The following CCDC3 variants were observed in gnomAD, a reference collection of about 807,000 sequenced individuals.
CCDC3 encodes coiled-coil domain containing 3.
A neutral mutation model predicts 21.4 loss-of-function variants in CCDC3; 24 were observed. The observed-to-expected ratio is 1.12, with a 90% confidence interval of 0.81 to 1.58. The LOEUF (loss-of-function observed/expected upper bound fraction) is 1.58, where lower values mean the gene tolerates loss of function less well. CCDC3 is among the 40% of genes most tolerant of loss of function. CCDC3 has a pLI of 0.00. For missense variants in CCDC3, 425 were observed against 360.9 expected, an observed-to-expected ratio of 1.18 and a Z score of -1.44; for synonymous variants, 186 against 166.0, an observed-to-expected ratio of 1.12 and a Z score of -0.93.
At chr10:12,906,645 C>T (rs749565363) in intron 2 of CCDC3, among the ~76,000 whole-genome samples, 5 of 152,180 alleles carry the variant, frequency 3.3e-5, no homozygotes, top group Admixed American at 6.5e-5. Context: ...CTCAGCCCCA[C>T]CATCGGACAG....
chr10:13,039,068 A>G (rs1836415936), intron 5 of CCDC3, among the ~76,000 whole-genome samples: 1 of 152,194 alleles, frequency 6.6e-6, no homozygotes, highest in South Asian at 2.1e-4. Context: ...CACATGCTTC[A>G]GTTCAAATAA....
intron 2 of CCDC3, among the ~76,000 whole-genome samples, chr10:12,968,863 A>T (rs1422234718): frequency 6.6e-6 from 1 of 152,196 alleles, no homozygotes; most frequent in African/African-American, 2.4e-5. Flanking sequence ...TAGATACACC[A>T]AAGATAGAAA....
chr10:13,097,597 G>C (rs1321234261), intron 3 of CCDC3, among the ~76,000 whole-genome samples: 1 of 152,138 alleles, frequency 6.6e-6, no homozygotes, highest in African/African-American at 2.4e-5. Context: ...GGTGGCACAC[G>C]CCTGTAATCC....
chr10:13,084,282 C>A (rs1390247024), intron 3 of CCDC3, among the ~76,000 whole-genome samples: 6 of 91,432 alleles, frequency 6.6e-5, no homozygotes. Context: ...ACCTTCTTTT[C>A]TTTTCTTTTT....
Position 12,898,805 on chromosome 10 carries a change from G to A in CCDC3, c.550-126C>T, listed in dbSNP as rs1834050460. The A allele has an allele frequency of 6.2e-6, 7 of 1,121,052 alleles. No homozygotes were observed. In the Admixed American group the frequency reaches 1.3e-4, roughly 21 times the overall value. The allele number at this position is 1,121,052 out of a possible 1,614,324, so 69.4% of individuals were successfully genotyped here. ...AGACCCCGATTCCCCACCCCAGCAT[G>A]GGCATAAACCCCAGGATGTCCTTGA... On this transcript the variant is annotated intron_variant, in intron 2 of 2. Coordinates refer to ENST00000378825, the MANE Select transcript of CCDC3 (RefSeq NM_031455.4).
In CCDC3 at chr10:12,945,778, T is replaced by C. The variant is rs563367925; in HGVS notation, c.550-47099A>G. Among the ~76,000 whole-genome samples, 27 of 152,376 alleles carry C rather than the reference T, an allele frequency of 1.8e-4. No homozygotes were observed. The East Asian group carries it at 4.0e-3, about 23-fold the overall frequency. ...TCGATTAAGAAAATGGAATCATTTC[T>C]AGTAAAAAGAACTAAGGTTTTTCTA... is the stretch of plus-strand genomic sequence containing the variant. On this transcript the variant is annotated intron_variant, in intron 2 of 2. Transcript: ENST00000378825.
At chr10:12,909,674 G>C (rs1441776523) in intron 2 of CCDC3, among the ~76,000 whole-genome samples, 1 of 152,190 alleles carries the variant, frequency 6.6e-6, no homozygotes, top group African/African-American at 2.4e-5. Flanking sequence ...GCTGTGGAGA[G>C]TGGAAGGCTG....
At chr10:12,950,461 AG>A (rs1834990982) in intron 2 of CCDC3, among the ~76,000 whole-genome samples, 2 of 152,298 alleles carry the variant, frequency 1.3e-5, no homozygotes, top group South Asian at 4.1e-4. Flanking sequence ...AACAATCTAA[AG>A]AATTCATCCA....
At chr10:13,043,186 T>C (rs576513674) in intron 5 of CCDC3, among the ~76,000 whole-genome samples, 1 of 152,238 alleles carries the variant, frequency 6.6e-6, no homozygotes, top group South Asian at 2.1e-4. Context: ...GTAAGCACAG[T>C]ACTCAATAGT....
intron 3 of CCDC3, among the ~76,000 whole-genome samples, chr10:13,074,721 C>T (rs973443884): frequency 6.6e-6 from 1 of 152,162 alleles, no homozygotes; most frequent in Non-Finnish European, 1.5e-5. Flanking sequence ...TACACACACT[C>T]ACATGAGTTC....
At chr10:12,995,304 C>A (rs566700574) in intron 2 of CCDC3, among the ~76,000 whole-genome samples, 3 of 152,238 alleles carry the variant, frequency 2.0e-5, no homozygotes, top group African/African-American at 7.2e-5. Context: ...TGCAGTGGCA[C>A]GATCTCTGCT....
At chr10:13,000,345 A>G (rs1042396673) in intron 1 of CCDC3, among the ~76,000 whole-genome samples, 1 of 152,220 alleles carries the variant, frequency 6.6e-6, no homozygotes, top group East Asian at 1.9e-4. Flanking sequence ...AGAAGAATTC[A>G]GTAGTCAATG....
intron 5 of CCDC3, among the ~76,000 whole-genome samples, chr10:13,035,183 T>C (rs1212089900): frequency 6.6e-6 from 1 of 152,122 alleles, no homozygotes; most frequent in East Asian, 1.9e-4. Flanking sequence ...AGCCAGAGGC[T>C]TTCCTAGGTG....
At chr10:13,072,738 CAT>C (rs1351913099) in intron 4 of CCDC3, among the ~76,000 whole-genome samples, 5 of 152,252 alleles carry the variant, frequency 3.3e-5, no homozygotes, top group Admixed American at 3.3e-4. Context: ...AATGTGTCCA[CAT>C]GTCTAAAGTC....
intron 5 of CCDC3, among the ~76,000 whole-genome samples, chr10:13,023,806 G>A (rs931075414): frequency 6.6e-6 from 1 of 152,004 alleles, no homozygotes; most frequent in African/African-American, 2.4e-5. Context: ...GTGCAGAAGG[G>A]GTCTCTTGGG....
At chr10:12,986,410 C>T (rs1339017685) in intron 2 of CCDC3, among the ~76,000 whole-genome samples, 4 of 152,102 alleles carry the variant, frequency 2.6e-5, no homozygotes, top group Non-Finnish European at 4.4e-5. Flanking sequence ...GCCTGGGACC[C>T]GTCTGTACAT....
At chr10:13,048,822 AGTGT>A (rs905896086) in intron 5 of CCDC3, among the ~76,000 whole-genome samples, 2 of 152,152 alleles carry the variant, frequency 1.3e-5, no homozygotes, top group African/African-American at 2.4e-5. Context: ...AAGAGTAAGG[AGTGT>A]GTGTAAGAGA....
intron 2 of CCDC3, among the ~76,000 whole-genome samples, chr10:12,909,745 C>G (rs1422626891): frequency 3.3e-5 from 5 of 152,224 alleles, no homozygotes; most frequent in African/African-American, 4.8e-5. Flanking sequence ...TAGACAGGCA[C>G]TGACCCAAAG....
intron 4 of CCDC3, among the ~76,000 whole-genome samples, chr10:13,059,294 C>T (rs1836723140): frequency 6.6e-6 from 1 of 152,200 alleles, no homozygotes; most frequent in Admixed American, 6.5e-5. Context: ...GAGCGGACCT[C>T]TCATGCCCCC....
Sources: gnomAD v4.1 joint callset for allele counts (sites outside exome capture counted in the v4.1 genomes callset) on GRCh38, gnomAD v4.1.1 for gene constraint, MANE v1.5 for transcripts, NCBI Gene and HGNC (gene_info 2026-07-23, HGNC 2026-07-21) for gene names.